The following DRAP1 variants were observed in gnomAD, a reference collection of about 807,000 sequenced individuals.
DRAP1 encodes the protein dr1-associated corepressor.
Under a neutral mutation model 24.1 loss-of-function variants are expected in DRAP1, and 10 were observed. That is an observed-to-expected ratio of 0.41 (90% CI 0.26 to 0.70). DRAP1 has a LOEUF of 0.70. DRAP1 is among the 30% of genes least tolerant of loss of function. The pLI is 0.29. For missense variants in DRAP1, 264 were observed against 275.6 expected (o/e 0.96, Z 0.30); for synonymous variants, 122 against 113.8 (o/e 1.07, Z -0.46).
chr11:65,919,791 G>A lies in DRAP1; in HGVS notation c.54G>A (p.Lys18=). The part of the protein sequence containing the change: ...YNARFPPARI[K]KIMQTDEEIG... The stretch of plus-strand genomic sequence containing the variant: ...TCCCCCACCCGCAGGCGCGGATCAA[G>A]AAGATCATGCAGACGGACGAAGAGA... Residue 18 remains lysine, a synonymous_variant, in exon 2 of 7, where the codon AAG becomes AAA. Transcript: ENST00000312515. The A allele has an allele frequency of 6.2e-7, 1 of 1,612,984 alleles. No individual in the cohort carries two copies. Among genetic ancestry groups the A allele is most frequent in the East Asian group, 2.2e-5 (1 of 44,890 alleles).
At chr11:65,920,484 C>G (rs377244740) in intron 4 of DRAP1, 22 bp downstream of exon 4, 6 of 1,613,528 alleles carry the variant, frequency 3.7e-6, no homozygotes, top group Non-Finnish European at 4.2e-6. Context: ...GCCTGGCATA[C>G]AGTGGGGAAG....
intron 6 of DRAP1, 42 bp from the exon 7 acceptor site, chr11:65,921,288 G>A: frequency 1.6e-6 from 2 of 1,223,584 alleles, no homozygotes; most frequent in Non-Finnish European, 2.4e-6. Context: ...GGAGGGCACG[G>A]TGGGGCTCAG....
rs767108275 is a variant in DRAP1 at position 65,920,379 on chromosome 11, C to T, written c.246C>T (p.Phe82=). The T allele has an allele frequency of 6.2e-7, 1 of 1,614,020 alleles. No homozygotes were observed. Among genetic ancestry groups the T allele is most frequent in the African/African-American group, 1.3e-5 (1 of 74,946 alleles). ...TCGAGCTGGAGCAGCAGTTTGACTT[C>T]TTGAAGGACCTGGTGGCATCTGTTC... ...QCIELEQQFD[F]LKDLVASVPD... Residue 82 remains phenylalanine (F), a synonymous_variant, in exon 4 of 7, where the codon TTC becomes TTT. Coordinates refer to ENST00000312515, the MANE Select transcript of DRAP1 (RefSeq NM_006442.4).
In DRAP1 at chr11:65,921,488, G is replaced by C. The variant is rs866995853; in HGVS notation, c.*53G>C. On this transcript the variant is annotated 3_prime_UTR_variant, in exon 7 of 7. Coordinates refer to ENST00000312515, the MANE Select transcript of DRAP1 (RefSeq NM_006442.4). ...CTTTTAGTTGGTTTTAGTTGCTCTG[G>C]GGGGAGGAGAGAAGGTAGAGCTGTT... is the stretch of plus-strand genomic sequence containing the variant. 6.5e-5 allele frequency: 55 copies of C among 845,140 alleles called. No individual in the cohort carries two copies. Among genetic ancestry groups the C allele is most frequent in the Middle Eastern group, 2.3e-4 (1 of 4,292 alleles). 52.4% of individuals were successfully genotyped at this position (845,140 alleles called of 1,614,324 possible).
In DRAP1 at chr11:65,919,459, C is replaced by G. The variant is rs749145321; in HGVS notation, c.-43C>G. 4.0e-6 allele frequency: 6 copies of G among 1,516,264 alleles called. No homozygotes were observed. The highest frequency in any genetic ancestry group is 4.4e-6 in the Non-Finnish European group (5 of 1,133,456). The allele number at this position is 1,516,264 out of a possible 1,614,324, so 93.9% of individuals were successfully genotyped here. Reference sequence around the variant, plus strand: ...AGCAGGCCCGGGAGCCGGGAGGCTGCGGGCGGCGGCGCTGGACCCGACGCG... The same window carrying G: ...AGCAGGCCCGGGAGCCGGGAGGCTGGGGGCGGCGGCGCTGGACCCGACGCG... On this transcript the variant is annotated 5_prime_UTR_variant, in exon 1 of 7. Transcript: ENST00000312515.
At chr11:65,920,253 G>C (rs1422036012) in intron 3 of DRAP1, 90 bp from the exon 4 acceptor site, 4 of 1,584,750 alleles carry the variant, frequency 2.5e-6, no homozygotes. Context: ...CCGGGCTCCA[G>C]CCTGACATCT....
rs1470000923 is a variant in DRAP1 at position 65,920,944 on chromosome 11, G to C, written c.484G>C (p.Ala162Pro). ...EEETSQPPPQ[A>P]SHPSAHFQSP... ...GGAGACATCACAACCCCCACCCCAGGCCAGCCACCCCTCTGCCCACTTTCA... is the reference window on the plus strand; with the variant it reads ...GGAGACATCACAACCCCCACCCCAGCCCAGCCACCCCTCTGCCCACTTTCA... Residue 162 changes from alanine to proline, a missense_variant, in exon 6 of 7, where the codon GCC (alanine) becomes CCC (proline). By Grantham distance (27) the Ala-to-Pro change is conservative. Coordinates refer to ENST00000312515, the MANE Select transcript of DRAP1 (RefSeq NM_006442.4). 3.1e-6 allele frequency: 5 copies of C among 1,612,810 alleles called. No individual in the cohort carries two copies. Among genetic ancestry groups the C allele is most frequent in the Non-Finnish European group, 4.2e-6 (5 of 1,179,438 alleles).
In DRAP1 at chr11:65,919,445, G is replaced by A. The variant is rs1449366684; in HGVS notation, c.-57G>A. On this transcript the variant is annotated 5_prime_UTR_variant, in exon 1 of 7. Transcript: ENST00000312515. Reference sequence around the variant, plus strand: ...ACGGGCGGGCGGCGAGCAGGCCCGGGAGCCGGGAGGCTGCGGGCGGCGGCG... The same window carrying A: ...ACGGGCGGGCGGCGAGCAGGCCCGGAAGCCGGGAGGCTGCGGGCGGCGGCG... 4 of 1,508,372 alleles carry A rather than the reference G, an allele frequency of 2.7e-6. No individual in the cohort carries two copies. Among genetic ancestry groups the A allele is most frequent in the Admixed American group, 2.2e-5 (1 of 46,026 alleles). 93.4% of individuals were successfully genotyped at this position (1,508,372 alleles called of 1,614,324 possible).
Position 65,921,301 on chromosome 11 carries a change from C to G in DRAP1, c.513-29C>G, listed in dbSNP as rs1178560181. ...GTGGAGGGCACGGTGGGGCTCAGGC[C>G]TGACTCTCTCCTGCCTTCTGCCCTG... On this transcript the variant is annotated intron_variant, in intron 6 of 6. Coordinates refer to ENST00000312515, the MANE Select transcript of DRAP1 (RefSeq NM_006442.4). 5.8e-6 allele frequency: 8 copies of G among 1,370,518 alleles called. No homozygotes were observed. In the African/African-American group the frequency reaches 1.0e-4, roughly 17 times the overall value. 84.9% of individuals were successfully genotyped at this position (1,370,518 alleles called of 1,614,324 possible). A position where few individuals can be genotyped will look rare whatever the true frequency, so the allele number is the denominator to read the frequency against.
At position 65,921,474 on chromosome 11, in the gene DRAP1, T is replaced by C; in HGVS notation, c.*39T>C. The C allele has an allele frequency of 4.9e-6, 5 of 1,027,246 alleles. No individual in the cohort carries two copies. In the East Asian group the frequency reaches 1.2e-4, roughly 25 times the overall value. 63.6% of individuals were successfully genotyped at this position (1,027,246 alleles called of 1,614,324 possible). On this transcript the variant is annotated 3_prime_UTR_variant, in exon 7 of 7. Coordinates refer to ENST00000312515, the MANE Select transcript of DRAP1 (RefSeq NM_006442.4). ...CCAGACCATAGCCCCTTTTAGTTGGTTTTAGTTGCTCTGGGGGGAGGAGAG... is the reference window on the plus strand; with the variant it reads ...CCAGACCATAGCCCCTTTTAGTTGGCTTTAGTTGCTCTGGGGGGAGGAGAG...
At chr11:65,920,103 A>T in intron 3 of DRAP1, 62 bp downstream of exon 3, 1 of 1,576,132 alleles carries the variant, frequency 6.3e-7, no homozygotes, top group Non-Finnish European at 8.6e-7. Flanking sequence ...CACACTGAGG[A>T]AGGCAGAGCC....
rs1854549591 is a variant in DRAP1 at position 65,921,429 on chromosome 11, CTCCTAGCGCCT to C, written c.615_*7del. On this transcript the variant is annotated stop_lost and 3_prime_UTR_variant, in exon 7 of 7. Coordinates refer to ENST00000312515, the MANE Select transcript of DRAP1 (RefSeq NM_006442.4). ...ATGAAGAGGACGAAGAAGATTACGACTCCTAGCGCCTTCTGCCCCCCAGACCATAGCCCCTT... is the reference window on the plus strand; with the variant it reads ...ATGAAGAGGACGAAGAAGATTACGACTCTGCCCCCCAGACCATAGCCCCTT... 1 of 1,594,578 alleles carries C rather than the reference CTCCTAGCGCCT, an allele frequency of 6.3e-7. No individual in the cohort carries two copies. The highest frequency in any genetic ancestry group is 8.6e-7 in the Non-Finnish European group (1 of 1,162,804).
intron 1 of DRAP1, 97 bp from the exon 2 acceptor site, chr11:65,919,683 T>G: frequency 6.5e-7 from 1 of 1,541,218 alleles, no homozygotes; most frequent in Non-Finnish European, 8.8e-7. Flanking sequence ...CGCGTCCGTG[T>G]CCCCCGCCCC....
intron 1 of DRAP1, 95 bp from the exon 2 acceptor site, chr11:65,919,685 C>A: frequency 6.5e-7 from 1 of 1,549,488 alleles, no homozygotes; most frequent in Non-Finnish European, 8.8e-7. Flanking sequence ...CGTCCGTGTC[C>A]CCCGCCCCCT....
At chr11:65,919,645 GGAC>G in intron 1 of DRAP1, 102 bp downstream of exon 1, 1 of 1,526,000 alleles carries the variant, frequency 6.6e-7, no homozygotes, top group Non-Finnish European at 8.8e-7. Context: ...TCGGGGGCCT[GGAC>G]GCCCCGCCCC....
intron 6 of DRAP1, 36 bp from the exon 7 acceptor site, chr11:65,921,294 C>A: frequency 1.6e-6 from 2 of 1,284,950 alleles, no homozygotes; most frequent in Non-Finnish European, 2.2e-6. Context: ...CACGGTGGGG[C>A]TCAGGCCTGA....
At position 65,919,672 on chromosome 11, in the gene DRAP1, C is replaced by T. The variant is rs563853124; in HGVS notation, c.43-108C>T. On this transcript the variant is annotated intron_variant, in intron 1 of 6. Coordinates refer to ENST00000312515, the MANE Select transcript of DRAP1 (RefSeq NM_006442.4). ...ACGCCCCGCCCCCTCCATGCCCTCC[C>T]CGCGTCCGTGTCCCCCGCCCCCTTT... The T allele has an allele frequency of 7.2e-6, 11 of 1,526,292 alleles. No homozygotes were observed. In the African/African-American group the frequency reaches 8.2e-5, roughly 11 times the overall value. The allele number at this position is 1,526,292 out of a possible 1,614,324, so 94.5% of individuals were successfully genotyped here.
chr11:65,921,186 C>CCCCAGGGCCCGTGG, intron 6 of DRAP1, 144 bp from the exon 7 acceptor site: 1 of 680,794 alleles, frequency 1.5e-6, no homozygotes, highest in East Asian at 2.8e-5. Context: ...GCCTGCCCTG[C>CCCCAGGGCCCGTGG]GTGAGCTGCC....
rs747549768 is a variant in DRAP1, at chr11:65,921,351, C to T, written c.534C>T (p.Pro178=). 8 of 1,608,808 alleles carry T rather than the reference C, an allele frequency of 5.0e-6. No individual in the cohort carries two copies. Among genetic ancestry groups the T allele is most frequent in the Middle Eastern group, 1.6e-4 (1 of 6,070 alleles). ...HFQSPPTPFL[P]FASTLPLPPA... is the part of the protein sequence containing the mutation. ...GCAGCCCCCCGACACCCTTCCTGCC[C>T]TTCGCCTCTACTCTGCCTTTGCCCC... is the stretch of plus-strand genomic sequence containing the variant. Residue 178 remains proline, a synonymous_variant, in exon 7 of 7, where the codon CCC becomes CCT. Coordinates refer to ENST00000312515, the MANE Select transcript of DRAP1 (RefSeq NM_006442.4).
Sources: allele counts gnomAD v4.1 joint callset, GRCh38; gene constraint gnomAD v4.1.1; transcripts MANE v1.5; gene names NCBI Gene and HGNC (gene_info 2026-07-23, HGNC 2026-07-21).